The following STEEP1 variants were observed in gnomAD, a reference collection of about 807,000 sequenced individuals.
The protein encoded by STEEP1 is STING1 ER exit protein 1, also known as STING ER exit protein.
In STEEP1, 3 loss-of-function variants were observed where a neutral mutation model predicts 19.2. That is an observed-to-expected ratio of 0.16 (90% CI 0.07 to 0.40). The LOEUF is 0.40. STEEP1 is among the 10% of genes least tolerant of loss of function. The pLI is 0.99. For missense variants in STEEP1, 54 were observed against 177.1 expected, an observed-to-expected ratio of 0.30 and a Z score of 3.94; for synonymous variants, 46 against 63.7, an observed-to-expected ratio of 0.72 and a Z score of 1.32.
rs191616019 is a variant in STEEP1, at chrX:119,558,343, G to T, written c.242+1925C>A. Among the ~76,000 whole-genome samples the T allele has an allele frequency of 1.0e-4, 11 of 110,523 alleles. No individual in the cohort carries two copies. The East Asian group carries it at 2.9e-3, about 29-fold the overall frequency. On this transcript the variant is annotated intron_variant, in intron 2 of 6. Transcript: ENST00000644802. ...AGGTCAGGAGATCGAGGCCATCCTG[G>T]CTAACACGGTGAAACCCCGTCTCTA...
intron 2 of STEEP1, among the ~76,000 whole-genome samples, chrX:119,554,270 C>T (rs767536358): frequency 9.0e-6 from 1 of 111,515 alleles, no homozygotes; most frequent in African/African-American, 3.3e-5. Context: ...CACAGTGAAA[C>T]CCCGTCTCTA....
chrX:119,564,387 T>A (rs950051199), intron 1 of STEEP1, among the ~76,000 whole-genome samples: 5 of 106,706 alleles, frequency 4.7e-5, no homozygotes, highest in Non-Finnish European at 7.7e-5. Flanking sequence ...TCCCAGCTAC[T>A]CGGGAGGCTG....
Position 119,539,639 on chromosome X carries a change from A to T in STEEP1, c.*88T>A. The T allele has an allele frequency of 1.4e-6, 1 of 706,634 alleles. No homozygotes were observed. Among genetic ancestry groups the T allele is most frequent in the East Asian group, 3.2e-5 (1 of 31,058 alleles). 58.2% of individuals were successfully genotyped at this position (706,634 alleles called of 1,213,427 possible). A position where few individuals can be genotyped will look rare whatever the true frequency, so the allele number is the denominator to read the frequency against. On this transcript the variant is annotated 3_prime_UTR_variant, in exon 7 of 7. Coordinates refer to ENST00000644802, the MANE Select transcript of STEEP1 (RefSeq NM_022101.4). ...ACGTAAAGCCTTCTGCTAGGGCATA[A>T]ATAGGAATCCGTCTATGTAATCAAG... is the stretch of plus-strand genomic sequence containing the variant.
At chrX:119,565,189 G>C (rs2053348600) in intron 1 of STEEP1, 43 bp downstream of exon 1, 1 of 1,174,003 alleles carries the variant, frequency 8.5e-7, no homozygotes, top group African/African-American at 1.8e-5. Flanking sequence ...AGAACCCGAA[G>C]TCTGGCTCCT....
At chrX:119,540,452 C>T (rs780420140) in intron 6 of STEEP1, among the ~76,000 whole-genome samples, 3 of 111,628 alleles carry the variant, frequency 2.7e-5, no homozygotes, top group South Asian at 7.4e-4. Context: ...CAAAAACTCA[C>T]TACAGACACA....
chrX:119,559,941 G>A (rs755126400), intron 2 of STEEP1, among the ~76,000 whole-genome samples: 2 of 111,809 alleles, frequency 1.8e-5, no homozygotes, highest in Admixed American at 1.9e-4. Context: ...CCCAGCTACT[G>A]GGGAGGCTGA....
At chrX:119,539,826 A>G in intron 6 of STEEP1, 37 bp from the exon 7 acceptor site, 12 of 1,084,161 alleles carry the variant, frequency 1.1e-5, no homozygotes, top group Non-Finnish European at 1.5e-5. Context: ...TTGATACATG[A>G]CATGAAATTA....
At chrX:119,564,175 C>T (rs2053340559) in intron 1 of STEEP1, among the ~76,000 whole-genome samples, 1 of 110,976 alleles carries the variant, frequency 9.0e-6, no homozygotes, top group South Asian at 3.8e-4. Flanking sequence ...GCCTAAAAGT[C>T]TGAGAGAGAA....
chrX:119,562,254 GGGTGC>G (rs1302260852), intron 1 of STEEP1, among the ~76,000 whole-genome samples: 1 of 111,432 alleles, frequency 9.0e-6, no homozygotes, highest in East Asian at 2.8e-4. Context: ...AAAATTAACC[GGGTGC>G]GGTTGCTCAC....
chrX:119,542,640 G>C (rs746110483), intron 4 of STEEP1, 46 bp from the exon 5 acceptor site: 1 of 970,290 alleles, frequency 1.0e-6, no homozygotes, highest in Non-Finnish European at 1.5e-6. Context: ...ACCAAAACAG[G>C]ATCCATGAGC....
At chrX:119,545,875 A>G (rs1218915089) in intron 2 of STEEP1, among the ~76,000 whole-genome samples, 1 of 98,526 alleles carries the variant, frequency 1.0e-5, no homozygotes, top group Admixed American at 1.1e-4. Flanking sequence ...CCTGGGCAAC[A>G]AGAGTGAAAC....
intron 1 of STEEP1, among the ~76,000 whole-genome samples, chrX:119,563,440 A>G (rs547963948): frequency 8.2e-5 from 9 of 109,243 alleles, no homozygotes; most frequent in Admixed American, 6.9e-4. Flanking sequence ...CCCAGCTACT[A>G]GGGAGGTTGA....
intron 2 of STEEP1, among the ~76,000 whole-genome samples, chrX:119,547,260 T>C (rs1423050292): frequency 8.9e-6 from 1 of 112,231 alleles, no homozygotes; most frequent in African/African-American, 3.2e-5. Flanking sequence ...TATTCCTTTG[T>C]ATAGATAAAC....
Position 119,563,129 on chromosome X carries a change from T to C in STEEP1, c.124+2103A>G, listed in dbSNP as rs1466129739. ...GACTTTGGTTTTATTCTCAGTGTTA[T>C]ATGAAACCATTGGTTTTGAACAGGA... On this transcript the variant is annotated intron_variant, in intron 1 of 6. Coordinates refer to ENST00000644802, the MANE Select transcript of STEEP1 (RefSeq NM_022101.4). Among the ~76,000 whole-genome samples the C allele has an allele frequency of 3.6e-5, 4 of 112,200 alleles. No individual in the cohort carries two copies. The East Asian group carries it at 1.1e-3, about 31-fold the overall frequency.
chrX:119,541,423 G>A lies in STEEP1; in HGVS notation c.514-3C>T, dbSNP rs1348188501. 4.5e-6 allele frequency: 5 copies of A among 1,121,761 alleles called. No homozygotes were observed. In the African/African-American group the frequency reaches 7.2e-5, roughly 16 times the overall value. 92.4% of individuals were successfully genotyped at this position (1,121,761 alleles called of 1,213,427 possible). A position where few individuals can be genotyped will look rare whatever the true frequency, so the allele number is the denominator to read the frequency against. On this transcript the variant is annotated splice_polypyrimidine_tract_variant and splice_region_variant and intron_variant, in intron 5 of 6. Transcript: ENST00000644802. ...GCATATGAGTCAGCAACTTCCCTCT[G>A]AAGGAAAAAAGGAGCATCCTTAAAC... is the stretch of plus-strand genomic sequence containing the variant.
At chrX:119,554,107 A>G (rs1014309314) in intron 2 of STEEP1, among the ~76,000 whole-genome samples, 8 of 112,130 alleles carry the variant, frequency 7.1e-5, no homozygotes, top group African/African-American at 2.6e-4. Context: ...CCTGAATCTC[A>G]AGGAATATAT....
chrX:119,560,186 C>T, intron 2 of STEEP1, 82 bp downstream of exon 2: 1 of 693,357 alleles, frequency 1.4e-6, no homozygotes, highest in Non-Finnish European at 2.3e-6. Context: ...ACCTGTTCAA[C>T]AATAGATGTG....
At chrX:119,551,480 CAAAA>C (rs61569225) in intron 2 of STEEP1, among the ~76,000 whole-genome samples, 1 of 86,413 alleles carries the variant, frequency 1.2e-5, no homozygotes. Flanking sequence ...AACTCTGTCT[CAAAA>C]AAAAAAAAAA....
At chrX:119,548,817 G>A (rs1330652314) in intron 2 of STEEP1, among the ~76,000 whole-genome samples, 1 of 111,788 alleles carries the variant, frequency 8.9e-6, no homozygotes, top group East Asian at 2.8e-4. Flanking sequence ...CAACCTAAAT[G>A]TCTATCAATG....
Sources: gnomAD v4.1 joint callset for allele counts (sites outside exome capture counted in the v4.1 genomes callset) on GRCh38, gnomAD v4.1.1 for gene constraint, MANE v1.5 for transcripts, NCBI Gene and HGNC (gene_info 2026-07-23, HGNC 2026-07-21) for gene names.